KLF12: variants seen among roughly 807,000 people sequenced by gnomAD.
KLF12 encodes Krueppel-like factor 12.
In KLF12, 9 loss-of-function variants were observed where a neutral mutation model predicts 37.8. The ratio of observed to expected loss-of-function variants is 0.24; its 90% CI spans 0.14 to 0.42. KLF12 has a LOEUF of 0.42. KLF12 is among the 10% of genes least tolerant of loss of function. The probability of loss-of-function intolerance (pLI) is 1.00; values close to 1 mark genes in which losing one functional copy is unlikely to be tolerated. For missense variants in KLF12, 411 were observed against 516.0 expected (o/e 0.80, Z 1.97); for synonymous variants, 208 against 202.1 (o/e 1.03, Z -0.25).
chr13:73,826,122 G>A (rs551855513), intron 4 of KLF12, among the ~76,000 whole-genome samples: 19 of 152,062 alleles, frequency 1.2e-4, no homozygotes, highest in South Asian at 4.2e-4. Flanking sequence ...ACAGGCGCCC[G>A]CCACCACGCC....
chr13:74,263,175 A>G, the KLF12 span, among the ~76,000 whole-genome samples: 1 of 152,230 alleles, frequency 6.6e-6, no homozygotes, highest in Non-Finnish European at 1.5e-5. Context: ...AATGCTTCTC[A>G]TGTCTAACTC....
chr13:74,155,138 C>T, the KLF12 span, among the ~76,000 whole-genome samples: 1 of 152,164 alleles, frequency 6.6e-6, no homozygotes, highest in South Asian at 2.1e-4. Context: ...CTGGTTCTGA[C>T]TTGCTCCAAG....
chr13:73,837,295 C>T (rs143969895), intron 4 of KLF12, among the ~76,000 whole-genome samples: 5 of 152,258 alleles, frequency 3.3e-5, no homozygotes, highest in African/African-American at 7.2e-5. Flanking sequence ...CTCCTCCCTG[C>T]GCCAGTTATT....
At chr13:73,931,069 G>A (rs1889651626) in intron 3 of KLF12, among the ~76,000 whole-genome samples, 1 of 151,858 alleles carries the variant, frequency 6.6e-6, no homozygotes, top group African/African-American at 2.4e-5. Flanking sequence ...TGTTGGTCAG[G>A]CTGGTCTCAA....
Position 74,015,834 on chromosome 13 carries a change from A to C in KLF12, c.-31-20781T>G, listed in dbSNP as rs546654113. Among the ~76,000 whole-genome samples the C allele has an allele frequency of 2.0e-5, 3 of 152,136 alleles. No homozygotes were observed. In the East Asian group the frequency reaches 5.8e-4, roughly 29 times the overall value. On this transcript the variant is annotated intron_variant, in intron 1 of 7. Coordinates refer to ENST00000377669, the MANE Select transcript of KLF12 (RefSeq NM_007249.5). Reference sequence around the variant, plus strand: ...TTCATTGGACTCTCTTCTTGCCCCTAATCATCAAAGCATTTAACAACAAGC... The same window carrying C: ...TTCATTGGACTCTCTTCTTGCCCCTCATCATCAAAGCATTTAACAACAAGC...
chr13:74,163,964 A>T, the KLF12 span, among the ~76,000 whole-genome samples: 1 of 152,284 alleles, frequency 6.6e-6, no homozygotes, highest in South Asian at 2.1e-4. Flanking sequence ...AGTACAATGC[A>T]TAAGAATAAG....
At chr13:73,697,995 A>T (rs904841964) in intron 7 of KLF12, among the ~76,000 whole-genome samples, 12 of 150,258 alleles carry the variant, frequency 8.0e-5, no homozygotes, top group African/African-American at 2.0e-4. Flanking sequence ...TCTCCAGAAA[A>T]TTTTTTTTTT....
intron 6 of KLF12, among the ~76,000 whole-genome samples, chr13:73,741,039 A>T (rs139924068): frequency 6.6e-6 from 1 of 152,196 alleles, no homozygotes; most frequent in Non-Finnish European, 1.5e-5. Flanking sequence ...ATTTTCACAT[A>T]ATACTTTAAG....
chr13:74,251,850 T>A, the KLF12 span, among the ~76,000 whole-genome samples: 47,442 of 152,176 alleles, frequency 0.31, 11,984 homozygotes, highest in African/African-American at 0.7. Flanking sequence ...GATTCTGTTG[T>A]CCTCCAGGCT....
intron 5 of KLF12, among the ~76,000 whole-genome samples, chr13:73,779,577 A>C (rs1393029746): frequency 6.6e-6 from 1 of 152,248 alleles, no homozygotes; most frequent in Non-Finnish European, 1.5e-5. Context: ...AAAAACTGGT[A>C]ATCATAAGTG....
intron 2 of KLF12, among the ~76,000 whole-genome samples, chr13:73,961,756 A>C (rs1369891591): frequency 2.0e-5 from 3 of 152,192 alleles, no homozygotes; most frequent in Admixed American, 6.5e-5. Context: ...GATGTTCAAC[A>C]CCATACATCA....
chr13:73,798,919 C>T (rs368977246), intron 5 of KLF12, among the ~76,000 whole-genome samples: 5 of 151,972 alleles, frequency 3.3e-5, no homozygotes, highest in African/African-American at 9.7e-5. Flanking sequence ...GGGTGTATAC[C>T]GAAAGGAATA....
chr13:74,290,833 A>G, the KLF12 span, among the ~76,000 whole-genome samples: 1 of 152,244 alleles, frequency 6.6e-6, no homozygotes, highest in African/African-American at 2.4e-5. Context: ...CCTGATTTAC[A>G]TGCCATTGGA....
At chr13:73,906,293 T>C (rs1888291278) in intron 3 of KLF12, among the ~76,000 whole-genome samples, 1 of 152,210 alleles carries the variant, frequency 6.6e-6, no homozygotes, top group Non-Finnish European at 1.5e-5. Flanking sequence ...TTAGACAATA[T>C]GCTTTCAAAT....
chr13:74,026,821 TAGGAA>T (rs1593840329), intron 1 of KLF12, among the ~76,000 whole-genome samples: 1 of 152,190 alleles, frequency 6.6e-6, no homozygotes, highest in African/African-American at 2.4e-5. Flanking sequence ...GACCAAAAGG[TAGGAA>T]AAAGATTCCA....
At chr13:74,080,944 G>A (rs993453581) in intron 1 of KLF12, among the ~76,000 whole-genome samples, 3 of 152,166 alleles carry the variant, frequency 2.0e-5, no homozygotes. Context: ...TGATAACAGT[G>A]GGAGGAGCCC....
At chr13:73,926,137 T>C (rs1171101073) in intron 3 of KLF12, among the ~76,000 whole-genome samples, 4 of 152,242 alleles carry the variant, frequency 2.6e-5, no homozygotes, top group Non-Finnish European at 5.9e-5. Flanking sequence ...ACTCCAATCA[T>C]GAAAGCAGTT....
intron 3 of KLF12, among the ~76,000 whole-genome samples, chr13:73,891,766 T>C (rs781112363): frequency 1.8e-4 from 27 of 152,260 alleles, no homozygotes; most frequent in Non-Finnish European, 3.4e-4. Context: ...AGAACAGAAA[T>C]TGGTAAACTA....
the KLF12 span, among the ~76,000 whole-genome samples, chr13:74,164,614 G>T: frequency 6.6e-6 from 1 of 152,184 alleles, no homozygotes; most frequent in Non-Finnish European, 1.5e-5. Flanking sequence ...GAAGATCATA[G>T]GTTCAAGGCC....
Sources: allele counts gnomAD v4.1 joint callset (sites outside exome capture counted in the v4.1 genomes callset), GRCh38; gene constraint gnomAD v4.1.1; transcripts MANE v1.5; gene names NCBI Gene and HGNC (gene_info 2026-07-23, HGNC 2026-07-21).